Variants in MDGA2 observed in about 807,000 individuals in gnomAD.
MDGA2 encodes the protein MAM domain containing glycosylphosphatidylinositol anchor 2.
A neutral mutation model predicts 117.8 loss-of-function variants in MDGA2; 40 were observed. The observed-to-expected ratio is 0.34, with a 90% confidence interval of 0.26 to 0.44. The LOEUF (loss-of-function observed/expected upper bound fraction) is 0.44, where lower values mean the gene tolerates loss of function less well. Among genes scored for constraint, MDGA2 ranks in the 20% least tolerant of loss-of-function variants. The pLI, the probability that MDGA2 is intolerant of heterozygous loss-of-function variation, is 1.00. For synonymous variants in MDGA2, 452 were observed against 439.0 expected (o/e 1.03, Z -0.37); for missense variants, 1,123 against 1,250.6 (o/e 0.90, Z 1.54).
In MDGA2 at chr14:47,299,410, A is replaced by C. The variant is rs1242301950; in HGVS notation, c.420+2001T>G. 3 of 152,192 alleles carry C rather than the reference A, an allele frequency of 2.0e-5. No homozygotes were observed. In the East Asian group the frequency reaches 5.8e-4, roughly 29 times the overall value. The allele number at this position is 152,192 out of a possible 1,614,324, so 9.4% of individuals were successfully genotyped here. A position where few individuals can be genotyped will look rare whatever the true frequency, so the allele number is the denominator to read the frequency against. ...AATTTAGTACACTCTTTGTGGGACTAATGGGAACCTCAATGAGTCTTCTCT... is the reference window on the plus strand; with the variant it reads ...AATTTAGTACACTCTTTGTGGGACTCATGGGAACCTCAATGAGTCTTCTCT... On this transcript the variant is annotated intron_variant, in intron 2 of 16. Coordinates refer to ENST00000399232, the MANE Select transcript of MDGA2 (RefSeq NM_001113498.3).
At chr14:47,665,615 G>A (rs2138303053) in intron 1 of MDGA2, among the ~76,000 whole-genome samples, 1 of 152,274 alleles carries the variant, frequency 6.6e-6, no homozygotes, top group African/African-American at 2.4e-5. Context: ...TGGCGGCCCT[G>A]CACTCGGAGC....
intron 8 of MDGA2, among the ~76,000 whole-genome samples, chr14:46,983,041 C>G (rs202172000): frequency 1.3e-5 from 2 of 151,960 alleles, no homozygotes; most frequent in Non-Finnish European, 2.9e-5. Context: ...TGTCAAAGGC[C>G]TTTTCTGCAT....
intron 1 of MDGA2, among the ~76,000 whole-genome samples, chr14:47,540,563 T>TATATATATATATATATATATATACACAC (rs370481455): frequency 4.4e-5 from 5 of 112,508 alleles, no homozygotes; most frequent in African/African-American, 8.8e-5. Flanking sequence ...TGTATATATA[T>TATATATATATATATATATATATACACAC]ACACACACAC....
At chr14:47,067,355 T>A (rs1379591709) in intron 6 of MDGA2, among the ~76,000 whole-genome samples, 1 of 152,148 alleles carries the variant, frequency 6.6e-6, no homozygotes, top group East Asian at 1.9e-4. Flanking sequence ...TCGAAGAGAA[T>A]CATTGAAAAG....
chr14:46,902,824 T>C (rs1883342385), intron 10 of MDGA2, among the ~76,000 whole-genome samples: 1 of 152,230 alleles, frequency 6.6e-6, no homozygotes. Context: ...CTACTTAATG[T>C]GACAATGCTT....
In MDGA2 at chr14:47,343,222, T is replaced by G. The variant is rs1890685883; in HGVS notation, c.281-41672A>C. 3 of 1,142,658 alleles carry G rather than the reference T, an allele frequency of 2.6e-6. No individual in the cohort carries two copies. The South Asian group carries it at 5.4e-5, about 21-fold the overall frequency. 70.8% of individuals were successfully genotyped at this position (1,142,658 alleles called of 1,614,324 possible). On this transcript the variant is annotated intron_variant, in intron 1 of 16. Transcript: ENST00000399232. ...AAAAGGAATGGTGATTTTTTTTGTT[T>G]GTTTGTTTTTTTCAGGAACGATTAT...
In MDGA2 at chr14:46,920,154, G is replaced by A; in HGVS notation, c.2096C>T (p.Ala699Val). Residue 699 changes from alanine to valine, a missense_variant, in exon 10 of 17, where the codon GCC (alanine) becomes GTC (valine). This residue lies in a region of MDGA2 where 890 missense variants were observed against 1,050.3 expected (regional missense o/e 0.85). Coordinates refer to ENST00000399232, the MANE Select transcript of MDGA2 (RefSeq NM_001113498.3). ...ATCATAATAGAATTCTGGAGCATAG[G>A]CCTTTCCTGAAAACAGAAAGTGTGC... is the stretch of plus-strand genomic sequence containing the variant. The part of the protein sequence containing the change: ...GRCSFLVTGK[A>V]YAPEFYYDTY... 6.2e-7 allele frequency: 1 copy of A among 1,606,428 alleles called. No individual in the cohort carries two copies. The highest frequency in any genetic ancestry group is 1.1e-5 in the South Asian group (1 of 88,806).
chr14:47,636,827 C>T, intron 1 of MDGA2, among the ~76,000 whole-genome samples: 1 of 124,944 alleles, frequency 8.0e-6, no homozygotes, highest in Admixed American at 9.0e-5. Flanking sequence ...CAAAAATTAG[C>T]TGGGCATGGT....
At chr14:47,254,717 C>T (rs1178032268) in intron 2 of MDGA2, among the ~76,000 whole-genome samples, 1 of 152,156 alleles carries the variant, frequency 6.6e-6, no homozygotes, top group African/African-American at 2.4e-5. Context: ...TTCCAATTTT[C>T]GGGTATTCTT....
chr14:47,566,407 T>C (rs1895920135), intron 1 of MDGA2, among the ~76,000 whole-genome samples: 1 of 152,186 alleles, frequency 6.6e-6, no homozygotes. Context: ...AAGATCACCC[T>C]GGTCTCTTCA....
intron 1 of MDGA2, among the ~76,000 whole-genome samples, chr14:47,609,561 A>G (rs2138900671): frequency 6.7e-6 from 1 of 148,978 alleles, no homozygotes; most frequent in African/African-American, 2.5e-5. Context: ...GTGTGCTAGT[A>G]TCTTTTTTGT....
At chr14:47,624,362 G>T (rs530658866) in intron 1 of MDGA2, among the ~76,000 whole-genome samples, 1 of 152,170 alleles carries the variant, frequency 6.6e-6, no homozygotes, top group Non-Finnish European at 1.5e-5. Context: ...GGAGGCTGAG[G>T]CAGGACAATC....
intron 15 of MDGA2, among the ~76,000 whole-genome samples, chr14:46,854,290 A>T (rs1382797965): frequency 1.3e-5 from 2 of 151,708 alleles, no homozygotes; most frequent in Non-Finnish European, 3.0e-5. Flanking sequence ...GATATATGTC[A>T]TAGACTTTGA....
rs1882598082 is a variant in MDGA2 at position 46,884,643 on chromosome 14, A to G, written c.2239-2422T>C. On this transcript the variant is annotated intron_variant, in intron 10 of 16. Transcript: ENST00000399232. The surrounding 1 kb of genome is among the most constrained non-coding windows in gnomAD (Gnocchi z 4.1). The stretch of plus-strand genomic sequence containing the variant: ...AAGAAAGCCCAAATATAAAATATAT[A>G]GAGTGTCTGCACAGAAGAGAGAAAA... Among the ~76,000 whole-genome samples, 1 of 152,140 alleles carries G rather than the reference A, an allele frequency of 6.6e-6. No homozygotes were observed. Among genetic ancestry groups the G allele is most frequent in the Admixed American group, 6.6e-5 (1 of 15,250 alleles).
intron 3 of MDGA2, among the ~76,000 whole-genome samples, chr14:47,175,905 C>T (rs1286979327): frequency 1.4e-4 from 21 of 152,018 alleles, no homozygotes; most frequent in Non-Finnish European, 1.9e-4. Flanking sequence ...AAAACCCCAT[C>T]GCCTCAGCCC....
chr14:47,540,540 G>GTATGTGTATATATA (rs1895329066), intron 1 of MDGA2, among the ~76,000 whole-genome samples: 1 of 79,188 alleles, frequency 1.3e-5, no homozygotes, highest in African/African-American at 3.9e-5. Context: ...GTGTGTGTGT[G>GTATGTGTATATATA]TATATATATA....
At chr14:47,470,322 G>T (rs1053719125) in intron 1 of MDGA2, among the ~76,000 whole-genome samples, 1 of 137,690 alleles carries the variant, frequency 7.3e-6, no homozygotes, top group Admixed American at 8.1e-5. Context: ...ATGTCCATGT[G>T]TTCTCATTGT....
In MDGA2 at chr14:47,278,892, C is replaced by T. The variant is rs560109345; in HGVS notation, c.420+22519G>A. Reference sequence around the variant, plus strand: ...GTGTTTCCACTTGCCTTGTCATTTTCCCTTCTAATTTAATAATATATCTTG... The same window carrying T: ...GTGTTTCCACTTGCCTTGTCATTTTTCCTTCTAATTTAATAATATATCTTG... On this transcript the variant is annotated intron_variant, in intron 2 of 16. Transcript: ENST00000399232. Among the ~76,000 whole-genome samples the T allele has an allele frequency of 2.3e-4, 35 of 152,148 alleles. 2 individuals carry two copies. In the South Asian group the frequency reaches 6.4e-3, roughly 28 times the overall value.
chr14:47,457,540 T>C (rs535253299), intron 1 of MDGA2, among the ~76,000 whole-genome samples: 1 of 152,308 alleles, frequency 6.6e-6, no homozygotes, highest in African/African-American at 2.4e-5. Flanking sequence ...AGAGAGGAGA[T>C]AATATACTGT....
Sources: gnomAD v4.1 joint callset for allele counts (sites outside exome capture counted in the v4.1 genomes callset) on GRCh38, gnomAD v4.1.1 for gene constraint, gnomAD v4.1.1 regional missense constraint, Gnocchi (gnomAD v3.1) non-coding constraint, MANE v1.5 for transcripts, NCBI Gene and HGNC (gene_info 2026-07-23, HGNC 2026-07-21) for gene names.